The following IL3RA variants were observed in gnomAD, a reference collection of about 807,000 sequenced individuals.
IL3RA encodes the protein interleukin-3 receptor subunit alpha.
Under a neutral mutation model 52.3 loss-of-function variants are expected in IL3RA, and 73 were observed. The ratio of observed to expected loss-of-function variants is 1.40; its 90% CI spans 1.16 to 1.70. IL3RA has a LOEUF of 1.70. Among genes scored for constraint, IL3RA ranks in the 40% most tolerant of loss-of-function variants. The pLI is 0.00. For missense variants in IL3RA, 664 were observed against 504.4 expected (o/e 1.32, Z -3.03); for synonymous variants, 260 against 194.0 (o/e 1.34, Z -2.83).
chrX:1,351,764 G>C (rs1353131753), intron 4 of IL3RA, among the ~76,000 whole-genome samples: 4 of 150,902 alleles, frequency 2.7e-5, no homozygotes, highest in African/African-American at 9.8e-5. Context: ...GAGTAGCTGG[G>C]ATTACAGCGG....
intron 6 of IL3RA, among the ~76,000 whole-genome samples, chrX:1,352,817 C>T (rs745853484): frequency 6.6e-6 from 1 of 152,130 alleles, no homozygotes; most frequent in Admixed American, 6.5e-5. Context: ...CATAGGATCC[C>T]TCACCATGGG....
At chrX:1,353,625 G>A (rs866595815) in intron 6 of IL3RA, among the ~76,000 whole-genome samples, 28,759 of 45,940 alleles carry the variant, frequency 0.63, 11,396 homozygotes, top group African/African-American at 0.79. Context: ...CATGGGTCAT[G>A]GGACCCCCCC....
intron 6 of IL3RA, among the ~76,000 whole-genome samples, chrX:1,355,032 T>C (rs191108091): frequency 1.9e-4 from 1 of 5,218 alleles, no homozygotes; most frequent in African/African-American, 1.0e-3. Flanking sequence ...GGGGAGAGGA[T>C]GGAGGAAGGG....
intron 9 of IL3RA, among the ~76,000 whole-genome samples, chrX:1,378,062 T>C (rs1230400716): frequency 2.7e-5 from 4 of 149,770 alleles, no homozygotes; most frequent in Non-Finnish European, 5.9e-5. Context: ...GGCGGGCGCC[T>C]GTAGTCCCAG....
chrX:1,356,244 A>G lies in IL3RA; in HGVS notation c.640A>G (p.Thr214Ala). 6.2e-7 allele frequency: 1 copy of G among 1,612,508 alleles called. No homozygotes were observed. The highest frequency in any genetic ancestry group is 8.5e-7 in the Non-Finnish European group (1 of 1,178,764). ...AGAGATATTAACTCCACCCAACATGACTGCAAAGTGTAATAAGACACATTC... is the reference window on the plus strand; with the variant it reads ...AGAGATATTAACTCCACCCAACATGGCTGCAAAGTGTAATAAGACACATTC... The part of the protein sequence containing the change: ...QIEILTPPNM[T>A]AKCNKTHSFM... Residue 214 changes from threonine to alanine, a missense_variant, in exon 7 of 12, where the codon ACT (threonine) becomes GCT (alanine). Coordinates refer to ENST00000331035, the MANE Select transcript of IL3RA (RefSeq NM_002183.4).
intron 2 of IL3RA, among the ~76,000 whole-genome samples, chrX:1,343,111 A>G (rs1486641544): frequency 6.6e-6 from 1 of 151,708 alleles, no homozygotes; most frequent in Non-Finnish European, 1.5e-5. Flanking sequence ...TCTTATAAGA[A>G]TTTTTTTCCC....
chrX:1,351,289 TG>T (rs1287060091), intron 4 of IL3RA, among the ~76,000 whole-genome samples: 1 of 152,010 alleles, frequency 6.6e-6, no homozygotes, highest in African/African-American at 2.4e-5. Flanking sequence ...GTATCTACCA[TG>T]GTCTCAAAAT....
chrX:1,347,289 T>C (rs1222241978), intron 3 of IL3RA, among the ~76,000 whole-genome samples: 12 of 149,052 alleles, frequency 8.1e-5, no homozygotes, highest in Non-Finnish European at 1.6e-4. Context: ...ACTAAAAATA[T>C]AAAAATTAGC....
chrX:1,362,909 G>C (rs1473429323), intron 8 of IL3RA, among the ~76,000 whole-genome samples: 1 of 151,976 alleles, frequency 6.6e-6, no homozygotes, highest in Non-Finnish European at 1.5e-5. Flanking sequence ...CCGAGTAGCT[G>C]GGACTACAGG....
intron 6 of IL3RA, among the ~76,000 whole-genome samples, chrX:1,354,584 C>T (rs1190630834): frequency 4.4e-5 from 4 of 90,682 alleles, no homozygotes; most frequent in African/African-American, 9.2e-5. Flanking sequence ...GAGAAGAAAA[C>T]GGAGAAAGAG....
chrX:1,368,178 G>C (rs1201525820), intron 9 of IL3RA, among the ~76,000 whole-genome samples: 3 of 152,120 alleles, frequency 2.0e-5, no homozygotes, highest in Non-Finnish European at 4.4e-5. Flanking sequence ...AGAATGGCGT[G>C]AACCCGGGAG....
intron 9 of IL3RA, 115 bp downstream of exon 9, chrX:1,365,367 C>T (rs1303888042): frequency 1.3e-5 from 1 of 78,380 alleles, no homozygotes; most frequent in Non-Finnish European, 1.8e-5. Context: ...CGGGGTGAGC[C>T]GGGTGCGCGG....
At chrX:1,353,394 G>T (rs1379877322) in intron 6 of IL3RA, among the ~76,000 whole-genome samples, 1 of 139,298 alleles carries the variant, frequency 7.2e-6, no homozygotes, top group Non-Finnish European at 1.5e-5. Flanking sequence ...TGGGTCATAG[G>T]ACCCCCATCA....
At chrX:1,337,603 T>G (rs1308720846) in intron 1 of IL3RA, among the ~76,000 whole-genome samples, 3 of 150,660 alleles carry the variant, frequency 2.0e-5, no homozygotes, top group Non-Finnish European at 4.4e-5. Flanking sequence ...TTATTCACAA[T>G]AGCCAAGAGG....
At position 1,350,950 on chromosome X, in the gene IL3RA, T is replaced by C. The variant is rs140268394; in HGVS notation, c.299-1150T>C. On this transcript the variant is annotated intron_variant, in intron 4 of 11. Transcript: ENST00000331035. ...ACAAACAATGAAAGAAAAACATCTG[T>C]AGTCCCAGCAGTTTGGGAGGCTGAG... Among the ~76,000 whole-genome samples, 1,493 of 151,446 alleles carry C rather than the reference T, an allele frequency of 9.9e-3. 35 individuals are homozygous for C. Among genetic ancestry groups the C allele is most frequent in the East Asian group, 0.08 (410 of 5,138 alleles).
At chrX:1,343,660 C>G (rs2085583575) in intron 2 of IL3RA, among the ~76,000 whole-genome samples, 1 of 113,592 alleles carries the variant, frequency 8.8e-6, no homozygotes, top group Admixed American at 8.2e-5. Context: ...GAGCGAGGCT[C>G]CATCTCAAAA....
At chrX:1,342,717 C>T (rs1377467390) in intron 2 of IL3RA, among the ~76,000 whole-genome samples, 11 of 151,396 alleles carry the variant, frequency 7.3e-5, no homozygotes, top group South Asian at 2.1e-4. Context: ...TCCGCCACCA[C>T]GCCCAGCTAA....
chrX:1,343,799 T>A (rs2085597244), intron 2 of IL3RA, among the ~76,000 whole-genome samples: 1 of 135,772 alleles, frequency 7.4e-6, no homozygotes, highest in East Asian at 2.4e-4. Flanking sequence ...TGAGACGGAG[T>A]TTTTTTGTTT....
intron 3 of IL3RA, 127 bp from the exon 4 acceptor site, chrX:1,348,304 G>T (rs1409287757): frequency 2.8e-5 from 21 of 747,938 alleles, no homozygotes; most frequent in Non-Finnish European, 4.4e-5. Context: ...AGTGAGCCGA[G>T]ATCACGCCAC....
Sources: gnomAD v4.1 joint callset for allele counts (sites outside exome capture counted in the v4.1 genomes callset) on GRCh38, gnomAD v4.1.1 for gene constraint, MANE v1.5 for transcripts, NCBI Gene and HGNC (gene_info 2026-07-23, HGNC 2026-07-21) for gene names.